C17orf78: variants seen among roughly 807,000 people sequenced by gnomAD.
C17orf78 encodes uncharacterized protein C17orf78.
Under a neutral mutation model 31.8 loss-of-function variants are expected in C17orf78, and 27 were observed. That is an observed-to-expected ratio of 0.85 (90% confidence interval 0.63 to 1.17). The LOEUF (loss-of-function observed/expected upper bound fraction) is 1.17, where lower values mean the gene tolerates loss of function less well. C17orf78 is among the 50% of genes most tolerant of loss of function. The pLI, the probability that C17orf78 is intolerant of heterozygous loss-of-function variation, is 0.00. For missense variants in C17orf78, 258 were observed against 315.2 expected, an observed-to-expected ratio of 0.82 and a Z score of 1.37; for synonymous variants, 106 against 115.1, an observed-to-expected ratio of 0.92 and a Z score of 0.51.
Position 37,390,175 on chromosome 17 carries a change from T to TATATATATATATACAC in C17orf78, c.750+814_750+815insTATATATATATACACA, listed in dbSNP as rs60788220. Among the ~76,000 whole-genome samples, 137 of 44,444 alleles carry TATATATATATATACAC rather than the reference T, an allele frequency of 3.1e-3. 2 individuals are homozygous for TATATATATATATACAC. Among genetic ancestry groups the TATATATATATATACAC allele is most frequent in the Middle Eastern group, 0.017 (1 of 58 alleles). 29.2% of individuals were successfully genotyped at this position (44,444 alleles called of 152,430 possible). ...ATATATATATATATATATATATATATACACACACACATTATATATAAATAT... is the reference window on the plus strand; with the variant it reads ...ATATATATATATATATATATATATATATATATATATATACACACACACACACATTATATATAAATAT... On this transcript the variant is annotated intron_variant, in intron 6 of 6. Transcript: ENST00000615133.
chr17:37,386,091 T>C lies in C17orf78; in HGVS notation c.474T>C (p.Pro158=), dbSNP rs750229702. Residue 158 remains proline (P), a synonymous_variant, in exon 4 of 7, where the codon CCT becomes CCC. Coordinates refer to ENST00000615133, the MANE Select transcript of C17orf78 (RefSeq NM_173625.5). ...CCACCACTGCCCCTTCTATAACTCC[T>C]GGGAATAAAGAAGGAGAGAAAACTA... ...TFPTTAPSIT[P]GNKEGEKTTS... 1.3e-6 allele frequency: 2 copies of C among 1,596,886 alleles called. No individual in the cohort carries two copies. Among genetic ancestry groups the C allele is most frequent in the Non-Finnish European group, 1.7e-6 (2 of 1,167,094 alleles).
chr17:37,389,437 C>T (rs1568093371), intron 6 of C17orf78, 75 bp downstream of exon 6: 1 of 1,515,558 alleles, frequency 6.6e-7, no homozygotes, highest in East Asian at 2.5e-5. Context: ...TGGCTCACAC[C>T]TCTATTCCCA....
chr17:37,377,877 A>G lies in C17orf78; in HGVS notation c.59-2A>G, dbSNP rs1217230275. The stretch of plus-strand genomic sequence containing the variant: ...CCCTCCTCCCCCTCTGCTCACCCCC[A>G]GACCTCAGAGATAGCAGTTGCCGAC... On this transcript the variant is annotated splice_acceptor_variant, in intron 1 of 6. Transcript: ENST00000615133. LOFTEE classifies it high-confidence loss of function. 1 of 1,544,722 alleles carries G rather than the reference A, an allele frequency of 6.5e-7. No homozygotes were observed. Among genetic ancestry groups the G allele is most frequent in the Non-Finnish European group, 8.8e-7 (1 of 1,138,530 alleles).
intron 2 of C17orf78, among the ~76,000 whole-genome samples, chr17:37,378,772 C>T (rs143661255): frequency 3.9e-5 from 6 of 152,128 alleles, no homozygotes; most frequent in Non-Finnish European, 7.4e-5. Context: ...CAAGAGCAAA[C>T]GCTTCAAGGT....
Position 37,379,183 on chromosome 17 carries a change from T to C in C17orf78, c.192T>C (p.Thr64=). Residue 64 remains threonine (T), a synonymous_variant, in exon 3 of 7, where the codon ACT becomes ACC. Coordinates refer to ENST00000615133, the MANE Select transcript of C17orf78 (RefSeq NM_173625.5). ...TKRTTFIQNR[T]IATLQCLGSD... The stretch of plus-strand genomic sequence containing the variant: ...GGACAACATTCATTCAAAACCGGAC[T>C]ATAGCTACCCTGCAGTGCCTTGGCT... 1.2e-6 allele frequency: 2 copies of C among 1,613,982 alleles called. No individual in the cohort carries two copies. Among genetic ancestry groups the C allele is most frequent in the Non-Finnish European group, 1.7e-6 (2 of 1,179,878 alleles).
In C17orf78 at chr17:37,380,348, C is replaced by T. The variant is rs370765094; in HGVS notation, c.391+966C>T. 1.3e-4 allele frequency among the ~76,000 whole-genome samples: 20 copies of T among 151,100 alleles called. No individual in the cohort carries two copies. The East Asian group carries it at 3.0e-3, about 22-fold the overall frequency. Reference sequence around the variant, plus strand: ...CTAGATGACGAGTTAGTGGGTGCAGCGCACCAGCATGGCACATGTATACAT... The same window carrying T: ...CTAGATGACGAGTTAGTGGGTGCAGTGCACCAGCATGGCACATGTATACAT... On this transcript the variant is annotated intron_variant, in intron 3 of 6. Coordinates refer to ENST00000615133, the MANE Select transcript of C17orf78 (RefSeq NM_173625.5).
At position 37,382,382 on chromosome 17, in the gene C17orf78, G is replaced by A. The variant is rs534796493; in HGVS notation, c.391+3000G>A. 1.2e-3 allele frequency among the ~76,000 whole-genome samples: 173 copies of A among 150,042 alleles called. 1 individual carries two copies. In the Middle Eastern group the frequency reaches 0.014, roughly 12 times the overall value. On this transcript the variant is annotated intron_variant, in intron 3 of 6. Transcript: ENST00000615133. The stretch of plus-strand genomic sequence containing the variant: ...GTTTTTTTTTTTCTTTAGTGTAGCC[G>A]GTTCCTCTTTATAAACTGGCAGTCC...
At chr17:37,383,284 A>G (rs1487027290) in intron 3 of C17orf78, among the ~76,000 whole-genome samples, 1 of 152,144 alleles carries the variant, frequency 6.6e-6, no homozygotes, top group African/African-American at 2.4e-5. Flanking sequence ...GACAAGGAAA[A>G]CTGAGGGGTT....
In C17orf78 at chr17:37,376,082, C is replaced by T. The variant is rs1442814005; in HGVS notation, c.-11C>T. 6.2e-7 allele frequency: 1 copy of T among 1,610,014 alleles called. No homozygotes were observed. The highest frequency in any genetic ancestry group is 8.5e-7 in the Non-Finnish European group (1 of 1,176,330). On this transcript the variant is annotated 5_prime_UTR_variant, in exon 1 of 7. Transcript: ENST00000615133. ...GTGGTCTGTCTGCAATGAGCATGTG[C>T]TCAAGCTAACATGGATACCATCTTG...
intron 3 of C17orf78, among the ~76,000 whole-genome samples, chr17:37,383,595 TG>T (rs1199765181): frequency 6.6e-6 from 1 of 152,252 alleles, no homozygotes; most frequent in Non-Finnish European, 1.5e-5. Context: ...TCCCCCAGGA[TG>T]GGGTACAGTG....
At chr17:37,385,381 G>A (rs927507295) in intron 3 of C17orf78, among the ~76,000 whole-genome samples, 2 of 152,072 alleles carry the variant, frequency 1.3e-5, no homozygotes, top group Admixed American at 6.6e-5. Flanking sequence ...GCTGAGGCAC[G>A]AGAATCATTT....
intron 3 of C17orf78, among the ~76,000 whole-genome samples, chr17:37,382,281 T>C (rs967348096): frequency 1.3e-5 from 2 of 152,076 alleles, no homozygotes; most frequent in Non-Finnish European, 2.9e-5. Context: ...TGCTGGACAG[T>C]GGTTCTTAAC....
chr17:37,390,139 AGTATATAT>A (rs1568094377), intron 6 of C17orf78, among the ~76,000 whole-genome samples: 3 of 17,878 alleles, frequency 1.7e-4, no homozygotes, highest in South Asian at 1.9e-3. Context: ...TAAAAAAAAA[AGTATATAT>A]ATATATATAT....
At position 37,378,210 on chromosome 17, in the gene C17orf78, C is replaced by T. The variant is rs149463258; in HGVS notation, c.145+245C>T. On this transcript the variant is annotated intron_variant, in intron 2 of 6. Coordinates refer to ENST00000615133, the MANE Select transcript of C17orf78 (RefSeq NM_173625.5). The stretch of plus-strand genomic sequence containing the variant: ...AGGAGGCAGAACCTACCCCTCTCTG[C>T]ATTAAAGAAAAATCTATGAGCATTT... Among the ~76,000 whole-genome samples, 18 of 152,330 alleles carry T rather than the reference C, an allele frequency of 1.2e-4. No individual in the cohort carries two copies. In the East Asian group the frequency reaches 2.7e-3, roughly 23 times the overall value.
Position 37,388,705 on chromosome 17 carries a change from AG to A in C17orf78, c.545del (p.Ser182IlefsTer7). ...GAACCTAGAGAAGAGACAGAAATGGAGTATTGTGGTCAAAATTCTGATTGCT... is the reference window on the plus strand; with the variant it reads ...GAACCTAGAGAAGAGACAGAAATGGATATTGTGGTCAAAATTCTGATTGCT... ...DENLEKRQKW[S>X]IVVKILIAVT... On this transcript the variant is annotated frameshift_variant, in exon 5 of 7. Transcript: ENST00000615133. LOFTEE classifies it high-confidence loss of function. 2.4e-5 allele frequency: 39 copies of A among 1,612,072 alleles called. No individual in the cohort carries two copies. Among genetic ancestry groups the A allele is most frequent in the Non-Finnish European group, 3.3e-5 (39 of 1,178,624 alleles).
intron 6 of C17orf78, among the ~76,000 whole-genome samples, chr17:37,390,638 A>G (rs114028464): frequency 0.012 from 1,705 of 147,176 alleles, 36 homozygotes; most frequent in African/African-American, 0.038. Context: ...AAAAGAGAGA[A>G]AAAAAAAAAA....
At chr17:37,384,424 CCT>C (rs142273284) in intron 3 of C17orf78, among the ~76,000 whole-genome samples, 122 of 152,144 alleles carry the variant, frequency 8.0e-4, no homozygotes, top group African/African-American at 2.9e-3. Flanking sequence ...TCTTTTTCCC[CCT>C]CTTTCAATCA....
At chr17:37,376,816 A>T (rs886878819) in intron 1 of C17orf78, among the ~76,000 whole-genome samples, 10 of 152,126 alleles carry the variant, frequency 6.6e-5, no homozygotes, top group Admixed American at 5.9e-4. Context: ...TTAGCCAGGC[A>T]TGGTGGCATG....
intron 3 of C17orf78, among the ~76,000 whole-genome samples, chr17:37,381,709 G>C (rs966670858): frequency 2.1e-5 from 3 of 145,466 alleles, no homozygotes; most frequent in Non-Finnish European, 4.5e-5. Flanking sequence ...CTCACTGCAA[G>C]CTCCGCCTCT....
Sources: allele counts gnomAD v4.1 joint callset (sites outside exome capture counted in the v4.1 genomes callset), GRCh38; gene constraint gnomAD v4.1.1; transcripts MANE v1.5; gene names NCBI Gene and HGNC (gene_info 2026-07-23, HGNC 2026-07-21).